ACAT1: variants seen among roughly 807,000 people sequenced by gnomAD.
ACAT1 encodes acetyl-CoA acetyltransferase 1.
In ACAT1, 28 loss-of-function variants were observed where a neutral mutation model predicts 47.3. The ratio of observed to expected loss-of-function variants is 0.59; its 90% confidence interval spans 0.44 to 0.81. The LOEUF is 0.81. Among genes scored for constraint, ACAT1 ranks in the 30% least tolerant of loss-of-function variants. The pLI is 0.00. For synonymous variants in ACAT1, 181 were observed against 173.6 expected (o/e 1.04, Z -0.34); for missense variants, 469 against 524.3 (o/e 0.89, Z 1.03).
chr11:108,147,353 G>A lies in ACAT1; in HGVS notation c.1247G>A (p.Gly416Glu), dbSNP rs777462355. ...GGTCTTGCCAGTATTTGCAATGGAG[G>A]AGGAGGTGCTTCTGCCATGCTAATT... Reference protein sequence around the residue: ...EYGLASICNGGGGASAMLIQK... With the variant: ...EYGLASICNGEGGASAMLIQK... The change falls in exon 12 of 12, where the codon GGA becomes GAA. Residue 416 changes from glycine to glutamate, a missense_variant. Gly to Glu is a moderately conservative substitution (Grantham distance 98). Transcript: ENST00000265838. The A allele has an allele frequency of 1.2e-6, 2 of 1,613,808 alleles. No homozygotes were observed. The highest frequency in any genetic ancestry group is 1.7e-6 in the Non-Finnish European group (2 of 1,179,906).
intron 10 of ACAT1, among the ~76,000 whole-genome samples, chr11:108,145,446 T>C (rs956006583): frequency 3.4e-5 from 5 of 147,308 alleles, no homozygotes; most frequent in African/African-American, 5.0e-5. Flanking sequence ...GGGAGGCAGA[T>C]CGCTTGAGCC....
At chr11:108,121,783 C>G (rs1463116789) in intron 1 of ACAT1, 105 bp downstream of exon 1, 3 of 1,306,642 alleles carry the variant, frequency 2.3e-6, no homozygotes, top group African/African-American at 2.9e-5. Flanking sequence ...CCCGGGCGCG[C>G]GGCTTAGGCC....
At chr11:108,137,769 C>T (rs960136030) in intron 5 of ACAT1, among the ~76,000 whole-genome samples, 3 of 151,764 alleles carry the variant, frequency 2.0e-5, no homozygotes, top group South Asian at 4.2e-4. Flanking sequence ...TAGTGAAACC[C>T]CATCTCTACT....
intron 1 of ACAT1, among the ~76,000 whole-genome samples, chr11:108,124,969 T>G (rs1565283237): frequency 6.6e-6 from 1 of 152,230 alleles, no homozygotes; most frequent in Non-Finnish European, 1.5e-5. Context: ...AGTTACTCTC[T>G]AGTTCATGAT....
chr11:108,143,935 T>TAAA (rs5794587), intron 9 of ACAT1, 48 bp from the exon 10 acceptor site: 89 of 789,268 alleles, frequency 1.1e-4, no homozygotes, highest in East Asian at 2.9e-4. Flanking sequence ...TTCTATACAG[T>TAAA]AAAAAAAAAA....
At position 108,134,343 on chromosome 11, in the gene ACAT1, T is replaced by C; in HGVS notation, c.334+27T>C. 4 of 1,578,682 alleles carry C rather than the reference T, an allele frequency of 2.5e-6. No individual in the cohort carries two copies. In the African/African-American group the frequency reaches 5.4e-5, roughly 21 times the overall value. On this transcript the variant is annotated intron_variant, in intron 4 of 11. Transcript: ENST00000265838. ...TACCTGGAAGACTTTTTTGCTTTTA[T>C]ACTTAAAATGTGTAAAAGGGGCCGG...
In ACAT1 at chr11:108,121,659, T is replaced by A; in HGVS notation, c.53T>A (p.Leu18Gln). The change falls in exon 1 of 12, where the codon CTG becomes CAG. Residue 18 changes from leucine to glutamine, a missense_variant. Physicochemically the swap from Leu to Gln is moderately radical, Grantham distance 113. Coordinates refer to ENST00000265838, the MANE Select transcript of ACAT1 (RefSeq NM_000019.4). ...LRSGARSRSP[L>Q]LRRLVQEIRY... ...AGCGGCGCCCGCAGCCGCAGCCCCCTGCTCCGGAGGCTGGTGCAGGTGAGC... is the reference window on the plus strand; with the variant it reads ...AGCGGCGCCCGCAGCCGCAGCCCCCAGCTCCGGAGGCTGGTGCAGGTGAGC... 6.5e-7 allele frequency: 1 copy of A among 1,549,510 alleles called. No homozygotes were observed. The highest frequency in any genetic ancestry group is 1.2e-5 in the South Asian group (1 of 84,046).
At chr11:108,130,384 A>C (rs963859803) in intron 1 of ACAT1, among the ~76,000 whole-genome samples, 13 of 151,916 alleles carry the variant, frequency 8.6e-5, no homozygotes, top group African/African-American at 2.7e-4. Flanking sequence ...GTAAGTTTTT[A>C]AATTATTATT....
rs184978178 is a variant in ACAT1 at position 108,132,773 on chromosome 11, G to C, written c.120+819G>C. Among the ~76,000 whole-genome samples the C allele has an allele frequency of 8.5e-3, 1,165 of 136,466 alleles. 12 individuals are homozygous for C. The highest frequency in any genetic ancestry group is 0.029 in the African/African-American group (1,068 of 37,442). The allele number at this position is 136,466 out of a possible 152,430, so 89.5% of individuals were successfully genotyped here. On this transcript the variant is annotated intron_variant, in intron 2 of 11. Transcript: ENST00000265838. ...GGAGGCTGAGGCAGGAGAATGGCGT[G>C]AATCCGGGAGGCGGAGCTTGCAGTG...
intron 5 of ACAT1, chr11:108,136,377 C>T (rs1446206223): frequency 6.3e-6 from 2 of 319,792 alleles, no homozygotes; most frequent in African/African-American, 2.1e-5. Flanking sequence ...AAATGCTTTC[C>T]ATAAAAGTTG....
chr11:108,130,895 G>A lies in ACAT1; in HGVS notation c.73-1012G>A, dbSNP rs1027164423. 1.1e-4 allele frequency among the ~76,000 whole-genome samples: 16 copies of A among 151,934 alleles called. 1 individual carries two copies. The highest frequency in any genetic ancestry group is 1.5e-4 in the Non-Finnish European group (10 of 67,998). On this transcript the variant is annotated intron_variant, in intron 1 of 11. Transcript: ENST00000265838. ...CTCCTGAGTGGCTGGGATTACAGGT[G>A]CCCGCTACCACGCCTGGCTAATTTT...
chr11:108,129,737 A>G (rs967708047), intron 1 of ACAT1, among the ~76,000 whole-genome samples: 1 of 152,014 alleles, frequency 6.6e-6, no homozygotes, highest in Non-Finnish European at 1.5e-5. Context: ...TGGTAGTTCT[A>G]GTTTTAGTTC....
At chr11:108,147,167 A>G in intron 11 of ACAT1, 103 bp from the exon 12 acceptor site, 6 of 1,346,040 alleles carry the variant, frequency 4.5e-6, no homozygotes, top group Non-Finnish European at 3.1e-6. Flanking sequence ...AGCAAGTAGT[A>G]GTGGCTAGTA....
At chr11:108,132,895 A>G (rs1305097354) in intron 2 of ACAT1, among the ~76,000 whole-genome samples, 6 of 140,488 alleles carry the variant, frequency 4.3e-5, no homozygotes, top group African/African-American at 1.6e-4. Context: ...AAAAGAAATT[A>G]TGGCTCTGGC....
intron 1 of ACAT1, among the ~76,000 whole-genome samples, chr11:108,126,285 G>A (rs1399372216): frequency 6.6e-6 from 1 of 152,200 alleles, no homozygotes; most frequent in Non-Finnish European, 1.5e-5. Flanking sequence ...TTATAGGCAT[G>A]AGCCACTAGG....
At chr11:108,146,414 T>C in intron 11 of ACAT1, 55 bp downstream of exon 11, 1 of 1,591,690 alleles carries the variant, frequency 6.3e-7, no homozygotes, top group Non-Finnish European at 8.6e-7. Flanking sequence ...TGTTTCTAGC[T>C]AAACTTAAAA....
At chr11:108,117,252 G>A (rs1221035070), upstream of ACAT1, among the ~76,000 whole-genome samples, 1 of 151,478 alleles carries the variant, frequency 6.6e-6, no homozygotes, top group African/African-American at 2.4e-5. Context: ...GCTGCAGTGA[G>A]TTATGATCGC....
At chr11:108,131,284 C>G (rs1391026460) in intron 1 of ACAT1, among the ~76,000 whole-genome samples, 1 of 146,180 alleles carries the variant, frequency 6.8e-6, no homozygotes, top group Non-Finnish European at 1.5e-5. Flanking sequence ...GATTCTAAGA[C>G]TAAATAATTT....
At chr11:108,131,378 G>GTTTTTTTTTTT (rs1591359796) in intron 1 of ACAT1, among the ~76,000 whole-genome samples, 2 of 6,756 alleles carry the variant, frequency 3.0e-4, no homozygotes, top group African/African-American at 7.1e-4. Flanking sequence ...TTTTTAGACA[G>GTTTTTTTTTTT]TCTTGCTTTG....
Sources: gnomAD v4.1 joint callset for allele counts (sites outside exome capture counted in the v4.1 genomes callset) on GRCh38, gnomAD v4.1.1 for gene constraint, MANE v1.5 for transcripts, NCBI Gene and HGNC (gene_info 2026-07-23, HGNC 2026-07-21) for gene names.